PDE11A: variants seen among roughly 807,000 people sequenced by gnomAD.
The protein encoded by PDE11A is dual 3',5'-cyclic-AMP and -GMP phosphodiesterase 11A.
Under a neutral mutation model 100.5 loss-of-function variants are expected in PDE11A, and 100 were observed. The observed-to-expected ratio is 1.00, with a 90% confidence interval of 0.85 to 1.18. The LOEUF (loss-of-function observed/expected upper bound fraction) is 1.18, where lower values mean the gene tolerates loss of function less well. Among genes scored for constraint, PDE11A ranks in the 50% most tolerant of loss-of-function variants. The pLI, the probability that PDE11A is intolerant of heterozygous loss-of-function variation, is 0.00. For synonymous variants in PDE11A, 381 were observed against 420.8 expected, an observed-to-expected ratio of 0.91 and a Z score of 1.16; for missense variants, 1,141 against 1,152.6, an observed-to-expected ratio of 0.99 and a Z score of 0.15.
chr2:177,935,937 T>C (rs1005633435), intron 2 of PDE11A, among the ~76,000 whole-genome samples: 1 of 152,200 alleles, frequency 6.6e-6, no homozygotes, highest in South Asian at 2.1e-4. Flanking sequence ...ACCTGCTCCA[T>C]GATGTGTCTG....
chr2:178,070,436 C>A (rs115697374), intron 1 of PDE11A, among the ~76,000 whole-genome samples: 1 of 152,246 alleles, frequency 6.6e-6, no homozygotes, highest in African/African-American at 2.4e-5. Flanking sequence ...TTCTCAGCAA[C>A]AGCAACTAAA....
intron 2 of PDE11A, among the ~76,000 whole-genome samples, chr2:177,972,367 C>T (rs1252970193): frequency 6.6e-6 from 1 of 152,194 alleles, no homozygotes; most frequent in Non-Finnish European, 1.5e-5. Flanking sequence ...ACTCAAAATA[C>T]ACCCTGGGAT....
intron 2 of PDE11A, among the ~76,000 whole-genome samples, chr2:177,993,602 A>G (rs906434187): frequency 3.3e-5 from 5 of 152,072 alleles, no homozygotes; most frequent in Non-Finnish European, 5.9e-5. Flanking sequence ...TGCATTTCCT[A>G]TTGATTGTTT....
At position 177,840,286 on chromosome 2, in the gene PDE11A, T is replaced by C; in HGVS notation, c.1465A>G (p.Ser489Gly). The change falls in exon 6 of 20, where the codon AGT (serine) becomes GGT (glycine). Residue 489 changes from serine to glycine, a missense_variant. Transcript: ENST00000286063. ...AAGCGCGGATCCTGGTAGGCATCAC[T>C]GATGTTCACTGGAAGGCCTGTTGAA... ...VASTGLPVNI[S>G]DAYQDPRFDA... The C allele has an allele frequency of 1.2e-6, 2 of 1,614,134 alleles. No homozygotes were observed. The highest frequency in any genetic ancestry group is 1.7e-6 in the Non-Finnish European group (2 of 1,179,994).
chr2:177,944,131 T>A (rs1241507335), intron 2 of PDE11A, among the ~76,000 whole-genome samples: 1 of 152,210 alleles, frequency 6.6e-6, no homozygotes, highest in South Asian at 2.1e-4. Flanking sequence ...TGATTTATTC[T>A]GGAATCTACA....
At chr2:177,770,043 C>A (rs1275542061) in intron 9 of PDE11A, among the ~76,000 whole-genome samples, 1 of 152,136 alleles carries the variant, frequency 6.6e-6, no homozygotes, top group Non-Finnish European at 1.5e-5. Flanking sequence ...GACTCAACTT[C>A]CATTTCCTCA....
At chr2:178,026,690 T>G (rs1436200010) in intron 1 of PDE11A, among the ~76,000 whole-genome samples, 1 of 151,844 alleles carries the variant, frequency 6.6e-6, no homozygotes, top group Non-Finnish European at 1.5e-5. Context: ...AAAAAAGTAA[T>G]TTTTTAAAAT....
chr2:177,853,714 T>TGTGTGTGTTTG (rs1558974124), intron 5 of PDE11A, among the ~76,000 whole-genome samples: 9 of 16,278 alleles, frequency 5.5e-4, no homozygotes, highest in South Asian at 4.4e-3. Context: ...GTGTGTGTGT[T>TGTGTGTGTTTG]TGTGTGTGTG....
intron 17 of PDE11A, among the ~76,000 whole-genome samples, chr2:177,672,509 A>C (rs1237719009): frequency 6.6e-6 from 1 of 152,220 alleles, no homozygotes; most frequent in Non-Finnish European, 1.5e-5. Context: ...AATATGTGTC[A>C]TCAGCTTGGG....
chr2:177,909,026 A>G (rs1157733930), intron 2 of PDE11A, among the ~76,000 whole-genome samples: 1 of 152,176 alleles, frequency 6.6e-6, no homozygotes, highest in African/African-American at 2.4e-5. Context: ...GTCCTGACAG[A>G]TGAATGGTAT....
intron 12 of PDE11A, among the ~76,000 whole-genome samples, chr2:177,715,626 T>C (rs1265613913): frequency 6.6e-6 from 1 of 152,156 alleles, no homozygotes; most frequent in Non-Finnish European, 1.5e-5. Flanking sequence ...CCAGGCATAA[T>C]AATATGTTTA....
chr2:178,006,394 T>C (rs1180973211), intron 2 of PDE11A, among the ~76,000 whole-genome samples: 2 of 152,016 alleles, frequency 1.3e-5, no homozygotes, highest in Admixed American at 6.6e-5. Flanking sequence ...AGTATGGGAG[T>C]GGGAAGCCCA....
intron 1 of PDE11A, among the ~76,000 whole-genome samples, chr2:178,049,759 C>T (rs1223021831): frequency 6.6e-6 from 1 of 152,186 alleles, no homozygotes; most frequent in African/African-American, 2.4e-5. Flanking sequence ...ACTGCTATCA[C>T]AGCAGTCTGA....
rs114578469 is a variant in PDE11A, at chr2:177,844,479, C to T, written c.1368-4096G>A. 4.8e-3 allele frequency among the ~76,000 whole-genome samples: 725 copies of T among 151,850 alleles called. 2 individuals are homozygous for T. Among genetic ancestry groups the T allele is most frequent in the African/African-American group, 0.017 (696 of 41,440 alleles). On this transcript the variant is annotated intron_variant, in intron 5 of 19. Coordinates refer to ENST00000286063, the MANE Select transcript of PDE11A (RefSeq NM_016953.4). The stretch of plus-strand genomic sequence containing the variant: ...ACACAAACATTCAGACCAGAGTAAT[C>T]ACATTCTGGCTTACGCACCAGCTCA...
intron 2 of PDE11A, among the ~76,000 whole-genome samples, chr2:178,085,530 T>C (rs1004219409): frequency 1.8e-5 from 2 of 111,152 alleles, no homozygotes; most frequent in Non-Finnish European, 4.1e-5. Context: ...CCTAAAACAA[T>C]AGTTGAAATA....
At chr2:177,851,644 G>A (rs935594027) in intron 5 of PDE11A, among the ~76,000 whole-genome samples, 2 of 152,182 alleles carry the variant, frequency 1.3e-5, no homozygotes, top group Admixed American at 1.3e-4. Flanking sequence ...CTGCGGAAGA[G>A]GCCAACCAAT....
At chr2:178,040,297 C>A (rs546327121) in intron 1 of PDE11A, among the ~76,000 whole-genome samples, 6 of 152,192 alleles carry the variant, frequency 3.9e-5, no homozygotes, top group African/African-American at 1.4e-4. Flanking sequence ...CTCAAGTGAT[C>A]CACCCACCTC....
intron 17 of PDE11A, among the ~76,000 whole-genome samples, chr2:177,675,184 G>A (rs1310413779): frequency 6.6e-6 from 1 of 151,176 alleles, no homozygotes; most frequent in Non-Finnish European, 1.5e-5. Context: ...TTGCCTTAAT[G>A]GTCAATGTAT....
intron 17 of PDE11A, among the ~76,000 whole-genome samples, chr2:177,674,267 C>G (rs2080732410): frequency 6.6e-6 from 1 of 152,178 alleles, no homozygotes; most frequent in African/African-American, 2.4e-5. Context: ...TTTCCTAAGG[C>G]TGCTGTAAAT....
Sources: gnomAD v4.1 joint callset for allele counts (sites outside exome capture counted in the v4.1 genomes callset) on GRCh38, gnomAD v4.1.1 for gene constraint, MANE v1.5 for transcripts, NCBI Gene and HGNC (gene_info 2026-07-23, HGNC 2026-07-21) for gene names.